The following TP73 variants were observed in gnomAD, a reference collection of about 807,000 sequenced individuals.
TP73 encodes the protein p53-like transcription factor.
In TP73, 25 loss-of-function variants were observed where a neutral mutation model predicts 62.5. The observed-to-expected ratio is 0.40, with a 90% CI of 0.29 to 0.56. The LOEUF is 0.56. Ranked by LOEUF, TP73 falls within the 20% of genes least tolerant of loss-of-function variation. TP73 has a pLI of 0.46. For missense variants in TP73, 754 were observed against 913.3 expected (o/e 0.83, Z 2.25); for synonymous variants, 423 against 377.5 (o/e 1.12, Z -1.40).
intron 3 of TP73, among the ~76,000 whole-genome samples, chr1:3,703,547 C>T (rs955731831): frequency 1.1e-4 from 17 of 152,238 alleles, no homozygotes; most frequent in Non-Finnish European, 2.1e-4. Context: ...CTGTGCTAGG[C>T]GCAGAGATCC....
At position 3,731,483 on chromosome 1, in the gene TP73, G is replaced by C. The variant is rs1410521686; in HGVS notation, c.1505G>C (p.Cys502Ser). 1 of 1,613,654 alleles carries C rather than the reference G, an allele frequency of 6.2e-7. No homozygotes were observed. The highest frequency in any genetic ancestry group is 2.2e-5 in the East Asian group (1 of 44,892). ...SLVSFLTGLG[C>S]PNCIEYFTSQ... ...TGCAGTTTTTTAACAGGATTGGGGT[G>C]TCCAAACTGCATCGAGTATTTCACC... Residue 502 changes from cysteine to serine, a missense_variant, in exon 13 of 14, where the codon TGT becomes TCT. Transcript: ENST00000378295.
intron 6 of TP73, among the ~76,000 whole-genome samples, chr1:3,723,958 G>C (rs940405623): frequency 6.6e-6 from 1 of 152,184 alleles, no homozygotes; most frequent in Non-Finnish European, 1.5e-5. Context: ...AGGGGCCCAG[G>C]AGAGGTGGCC....
Position 3,682,348 on chromosome 1 carries a change from G to T in TP73, c.-18G>T. The T allele has an allele frequency of 6.6e-7, 1 of 1,520,044 alleles. No homozygotes were observed. Among genetic ancestry groups the T allele is most frequent in the South Asian group, 1.2e-5 (1 of 80,980 alleles). The allele number at this position is 1,520,044 out of a possible 1,614,324, so 94.2% of individuals were successfully genotyped here. On this transcript the variant is annotated 5_prime_UTR_variant, in exon 2 of 14. Transcript: ENST00000378295. ...CTTCCTGCAGAGCGAGCTGCCCTCG[G>T]AGGCCGGCGTGGGGAAGATGGCCCA...
rs3737586 is a variant in TP73, at chr1:3,698,088, G to A, written c.187-9461G>A. ...GTCCAGGAAGCCCTGCTAAGCATCTGTCAGTGTCTCCAGCACAGCAGGAGG... is the reference window on the plus strand; with the variant it reads ...GTCCAGGAAGCCCTGCTAAGCATCTATCAGTGTCTCCAGCACAGCAGGAGG... On this transcript the variant is annotated intron_variant, in intron 3 of 13. Transcript: ENST00000378295. The A allele has an allele frequency of 4.5e-5, 44 of 985,556 alleles. No individual in the cohort carries two copies. The East Asian group carries it at 3.3e-3, about 74-fold the overall frequency. 61.1% of individuals were successfully genotyped at this position (985,556 alleles called of 1,614,324 possible).
At chr1:3,707,925 G>A in intron 4 of TP73, 134 bp downstream of exon 4, 2 of 1,409,940 alleles carry the variant, frequency 1.4e-6, no homozygotes, top group Non-Finnish European at 1.9e-6. Flanking sequence ...GCCCGGGCCA[G>A]GAGGAGCATC....
At chr1:3,713,866 C>A (rs1002759289) in intron 4 of TP73, among the ~76,000 whole-genome samples, 1 of 152,118 alleles carries the variant, frequency 6.6e-6, no homozygotes. Context: ...AGGCCGTGAG[C>A]GGAACAGGGC....
At chr1:3,680,416 G>A (rs1645492600) in intron 1 of TP73, among the ~76,000 whole-genome samples, 1 of 152,146 alleles carries the variant, frequency 6.6e-6, no homozygotes, top group South Asian at 2.1e-4. Context: ...TTCCATCTCT[G>A]GACTCAGGTG....
At chr1:3,727,286 A>G in intron 7 of TP73, 62 bp downstream of exon 7, 1 of 1,482,546 alleles carries the variant, frequency 6.7e-7, no homozygotes, top group Non-Finnish European at 9.3e-7. Context: ...CCGGGGGAGA[A>G]GGGGAGCTGT....
intron 3 of TP73, among the ~76,000 whole-genome samples, chr1:3,697,029 T>G (rs1638722222): frequency 6.6e-6 from 1 of 152,192 alleles, no homozygotes; most frequent in Non-Finnish European, 1.5e-5. Context: ...GAGGGGATGG[T>G]GCCGTGTCTC....
chr1:3,652,991 C>T (rs1360844350), intron 1 of TP73, among the ~76,000 whole-genome samples: 1 of 151,910 alleles, frequency 6.6e-6, no homozygotes, highest in Non-Finnish European at 1.5e-5. Context: ...GGGAGGGTAA[C>T]CCCGGGAAGA....
At chr1:3,722,580 G>A (rs1453160590) in intron 5 of TP73, among the ~76,000 whole-genome samples, 1 of 152,248 alleles carries the variant, frequency 6.6e-6, no homozygotes, top group Non-Finnish European at 1.5e-5. Context: ...AGAGCACAAG[G>A]GCTGCCAGCT....
chr1:3,661,128 AT>A (rs146964800), intron 1 of TP73, among the ~76,000 whole-genome samples: 4,995 of 152,292 alleles, frequency 0.033, 256 homozygotes, highest in African/African-American at 0.11. Context: ...ATCTAAAACA[AT>A]TTTCCCTTTA....
At chr1:3,729,519 G>C in intron 10 of TP73, 71 bp downstream of exon 10, 2 of 1,605,148 alleles carry the variant, frequency 1.2e-6, no homozygotes, top group Non-Finnish European at 1.7e-6. Context: ...AGAAGGCCAG[G>C]AGGACCAGAA....
At chr1:3,728,969 C>T (rs560859541) in intron 9 of TP73, among the ~76,000 whole-genome samples, 12 of 150,850 alleles carry the variant, frequency 8.0e-5, no homozygotes, top group Admixed American at 2.0e-4. Flanking sequence ...GCCTAGGCGA[C>T]AGAGCAAGAC....
At chr1:3,706,948 G>A (rs973169830) in intron 3 of TP73, among the ~76,000 whole-genome samples, 1 of 152,140 alleles carries the variant, frequency 6.6e-6, no homozygotes, top group African/African-American at 2.4e-5. Flanking sequence ...TTCACCGAGA[G>A]ATGAGGCCGC....
chr1:3,668,331 C>G (rs1260484934), intron 1 of TP73, among the ~76,000 whole-genome samples: 1 of 152,212 alleles, frequency 6.6e-6, no homozygotes, highest in Non-Finnish European at 1.5e-5. Flanking sequence ...CACCTAGACA[C>G]ACATCCGTGC....
At chr1:3,653,316 C>T (rs1345510865) in intron 1 of TP73, among the ~76,000 whole-genome samples, 1 of 152,220 alleles carries the variant, frequency 6.6e-6, no homozygotes, top group Admixed American at 6.5e-5. Context: ...CCCGGGCCGG[C>T]CTGGAGGGAG....
rs3034606 is a variant in TP73 at position 3,661,722 on chromosome 1, G to GTA, written c.-34+9098_-34+9099dup. Among the ~76,000 whole-genome samples the GTA allele has an allele frequency of 4.9e-3, 700 of 141,486 alleles. 16 individuals are homozygous for GTA. In the East Asian group the frequency reaches 0.051, roughly 10 times the overall value. The allele number at this position is 141,486 out of a possible 152,430, so 92.8% of individuals were successfully genotyped here. ...GTATATACACACACATGTATTTTGT[G>GTA]TATATATATATATATATAATATGTA... On this transcript the variant is annotated intron_variant, in intron 1 of 13. Transcript: ENST00000378295.
chr1:3,667,006 G>A (rs1377455217), intron 1 of TP73, among the ~76,000 whole-genome samples: 1 of 152,208 alleles, frequency 6.6e-6, no homozygotes, highest in Non-Finnish European at 1.5e-5. Context: ...GGATCCAGGT[G>A]GGTCCAGTGT....
Sources: gnomAD v4.1 joint callset for allele counts (sites outside exome capture counted in the v4.1 genomes callset) on GRCh38, gnomAD v4.1.1 for gene constraint, MANE v1.5 for transcripts, NCBI Gene and HGNC (gene_info 2026-07-23, HGNC 2026-07-21) for gene names.